The following RBFOX1 variants were observed in gnomAD, a reference collection of about 807,000 sequenced individuals.
The protein encoded by RBFOX1 is RNA binding protein fox-1 homolog 1.
Under a neutral mutation model 57.7 loss-of-function variants are expected in RBFOX1, and 8 were observed. The ratio of observed to expected loss-of-function variants is 0.14; its 90% CI spans 0.08 to 0.25. The LOEUF is 0.25. RBFOX1 is among the 10% of genes least tolerant of loss of function. RBFOX1 has a pLI of 1.00. For missense variants in RBFOX1, 611 were observed against 548.5 expected (o/e 1.11, Z -1.14); for synonymous variants, 326 against 222.4 (o/e 1.47, Z -4.15).
chr16:7,652,074 C>G (rs776676085), intron 11 of RBFOX1, among the ~76,000 whole-genome samples: 4 of 149,972 alleles, frequency 2.7e-5, no homozygotes, highest in African/African-American at 4.9e-5. Flanking sequence ...ACAGGGGTAA[C>G]CGGGGTAACC....
intron 3 of RBFOX1, among the ~76,000 whole-genome samples, chr16:6,866,199 C>G (rs67712146): frequency 6.6e-6 from 1 of 151,758 alleles, no homozygotes; most frequent in Admixed American, 6.6e-5. Flanking sequence ...TCTGGTAGTT[C>G]TTTATTACTT....
chr16:7,218,360 G>T (rs553030002), intron 4 of RBFOX1, among the ~76,000 whole-genome samples: 3 of 152,232 alleles, frequency 2.0e-5, no homozygotes, highest in East Asian at 3.9e-4. Flanking sequence ...ACCTTCTTCA[G>T]TATGCTTCCT....
rs71142659 is a variant in RBFOX1 at position 5,969,298 on chromosome 16, C to CTTTTTTTT, written c.351+101981_351+101988dup. On this transcript the variant is annotated intron_variant, in intron 4 of 19. Coordinates refer to the RBFOX1 transcript ENST00000641259. ...ATGCCTGTGATTATTTTCGGTTGTTCTTTTTTTTTTTTTTTTTTTTTTTTT... is the reference window on the plus strand; with the variant it reads ...ATGCCTGTGATTATTTTCGGTTGTTCTTTTTTTTTTTTTTTTTTTTTTTTTTTTTTTTT... Among the ~76,000 whole-genome samples the CTTTTTTTT allele has an allele frequency of 1.6e-3, 130 of 83,762 alleles. 1 individual carries two copies. The highest frequency in any genetic ancestry group is 2.6e-3 in the East Asian group (6 of 2,296). The allele number at this position is 83,762 out of a possible 152,430, so 55.0% of individuals were successfully genotyped here.
intron 1 of RBFOX1, among the ~76,000 whole-genome samples, chr16:6,182,875 T>C (rs1197712265): frequency 1.3e-5 from 2 of 152,122 alleles, no homozygotes; most frequent in East Asian, 1.9e-4. Flanking sequence ...TTCTCAAGAG[T>C]TGAATGAACC....
At chr16:5,971,907 C>T (rs1418522564) in intron 4 of RBFOX1, among the ~76,000 whole-genome samples, 1 of 152,176 alleles carries the variant, frequency 6.6e-6, no homozygotes, top group Non-Finnish European at 1.5e-5. Flanking sequence ...TGTGGGTGGG[C>T]CTCATCCAGT....
intron 1 of RBFOX1, among the ~76,000 whole-genome samples, chr16:5,301,791 G>A (rs978465537): frequency 6.6e-6 from 1 of 152,132 alleles, no homozygotes; most frequent in Non-Finnish European, 1.5e-5. Flanking sequence ...TAGAAACTAT[G>A]AGATAACAAA....
chr16:6,483,265 G>A, intron 2 of RBFOX1: 1 of 1,315,810 alleles, frequency 7.6e-7, no homozygotes, highest in Non-Finnish European at 9.7e-7. Flanking sequence ...TGCGCGCCCG[G>A]GTGTTGATTG....
chr16:5,356,961 A>G (rs1358158024), intron 1 of RBFOX1, among the ~76,000 whole-genome samples: 1 of 152,214 alleles, frequency 6.6e-6, no homozygotes, highest in African/African-American at 2.4e-5. Flanking sequence ...GAAGCCTCAC[A>G]GGTACCCAGT....
chr16:7,080,361 C>G (rs1598917089), intron 4 of RBFOX1, among the ~76,000 whole-genome samples: 2 of 152,246 alleles, frequency 1.3e-5, no homozygotes, highest in African/African-American at 4.8e-5. Flanking sequence ...CCTTCTTCGG[C>G]TTCCTAAATC....
intron 4 of RBFOX1, among the ~76,000 whole-genome samples, chr16:7,128,360 A>G (rs950789010): frequency 7.7e-5 from 11 of 141,936 alleles, no homozygotes; most frequent in Non-Finnish European, 1.3e-4. Flanking sequence ...TCACTTAGCT[A>G]TTGCTGTGTA....
intron 4 of RBFOX1, among the ~76,000 whole-genome samples, chr16:7,238,348 A>G (rs1028212593): frequency 4.8e-5 from 7 of 145,714 alleles, no homozygotes; most frequent in African/African-American, 1.8e-4. Context: ...TAAATAAATA[A>G]AATAAAAATT....
intron 2 of RBFOX1, among the ~76,000 whole-genome samples, chr16:6,487,422 A>G (rs2095509113): frequency 2.0e-5 from 3 of 151,926 alleles, no homozygotes; most frequent in Non-Finnish European, 4.4e-5. Flanking sequence ...ATGTCTGAAT[A>G]CTTTGATGTA....
chr16:6,539,056 C>G (rs1403287900), intron 2 of RBFOX1, among the ~76,000 whole-genome samples: 1 of 151,992 alleles, frequency 6.6e-6, no homozygotes, highest in Non-Finnish European at 1.5e-5. Flanking sequence ...AAAAGTCCCA[C>G]TCCATTGCTG....
At chr16:7,670,706 A>G (rs796457186) in intron 13 of RBFOX1, among the ~76,000 whole-genome samples, 5 of 152,338 alleles carry the variant, frequency 3.3e-5, no homozygotes, top group African/African-American at 1.2e-4. Context: ...CAGGCTATGT[A>G]GGAAAAAGTA....
Position 6,922,799 on chromosome 16 carries a change from C to T in RBFOX1, c.-15-129258C>T, listed in dbSNP as rs1037958786. Among the ~76,000 whole-genome samples the T allele has an allele frequency of 4.6e-5, 7 of 152,244 alleles. No individual in the cohort carries two copies. In the South Asian group the frequency reaches 6.2e-4, roughly 14 times the overall value. On this transcript the variant is annotated intron_variant, in intron 3 of 15. Transcript: ENST00000550418. ...TGTGAGTAATAAATCAGGAGGTCAG[C>T]GTTCATCACAGGTGGGATTGTGTGA...
rs148129036 is a variant in RBFOX1 at position 6,499,561 on chromosome 16, C to T, written c.-63-155042C>T. Among the ~76,000 whole-genome samples, 201 of 152,156 alleles carry T rather than the reference C, an allele frequency of 1.3e-3. 1 individual carries two copies. Among genetic ancestry groups the T allele is most frequent in the Non-Finnish European group, 2.4e-3 (161 of 68,000 alleles). ...TTTTCATCAGCATCTCCCGTGTGAG[C>T]CATGATTCCAAGACAGAGTCTTGTA... On this transcript the variant is annotated intron_variant, in intron 2 of 15. Coordinates refer to ENST00000550418, the MANE Select transcript of RBFOX1 (RefSeq NM_018723.4).
intron 1 of RBFOX1, among the ~76,000 whole-genome samples, chr16:5,374,856 T>G (rs758291100): frequency 6.6e-6 from 1 of 152,094 alleles, no homozygotes; most frequent in Non-Finnish European, 1.5e-5. Context: ...TAGAAATTTG[T>G]TTTCTCTCTT....
At chr16:5,337,717 C>T (rs1357883038) in intron 1 of RBFOX1, among the ~76,000 whole-genome samples, 1 of 152,192 alleles carries the variant, frequency 6.6e-6, no homozygotes, top group Non-Finnish European at 1.5e-5. Flanking sequence ...CTCCTGAGCT[C>T]TGTGCCTGTA....
At position 7,699,046 on chromosome 16, in the gene RBFOX1, C is replaced by T. The variant is rs1299017074; in HGVS notation, c.996-10010C>T. 2.0e-5 allele frequency among the ~76,000 whole-genome samples: 3 copies of T among 152,094 alleles called. No individual in the cohort carries two copies. In the East Asian group the frequency reaches 5.8e-4, roughly 29 times the overall value. Reference sequence around the variant, plus strand: ...TGGAGAACTTGTTACAAATGCAGAGCCTGTTTTGTCGCCTTCCCCTGCCCC... The same window carrying T: ...TGGAGAACTTGTTACAAATGCAGAGTCTGTTTTGTCGCCTTCCCCTGCCCC... On this transcript the variant is annotated intron_variant, in intron 14 of 15. Coordinates refer to ENST00000550418, the MANE Select transcript of RBFOX1 (RefSeq NM_018723.4).
Sources: gnomAD v4.1 joint callset for allele counts (sites outside exome capture counted in the v4.1 genomes callset) on GRCh38, gnomAD v4.1.1 for gene constraint, MANE v1.5 for transcripts, NCBI Gene and HGNC (gene_info 2026-07-23, HGNC 2026-07-21) for gene names.